TRA2A: variants seen among roughly 807,000 people sequenced by gnomAD.
TRA2A encodes transformer 2 alpha homolog.
In TRA2A, 31 loss-of-function variants were observed where a neutral mutation model predicts 45.7. That is an observed-to-expected ratio of 0.68 (90% CI 0.51 to 0.92). TRA2A has a LOEUF of 0.92. TRA2A is among the 40% of genes least tolerant of loss of function. The pLI is 0.00. For missense variants in TRA2A, 304 were observed against 367.5 expected (o/e 0.83, Z 1.41); for synonymous variants, 132 against 126.2 (o/e 1.05, Z -0.31).
At chr7:23,526,540 G>C in intron 1 of TRA2A, among the ~76,000 whole-genome samples, 1 of 152,234 alleles carries the variant, frequency 6.6e-6, no homozygotes, top group East Asian at 1.9e-4. Flanking sequence ...ACTTACTAAA[G>C]AACTTCTTTA....
chr7:23,525,670 T>C (rs527641860), intron 1 of TRA2A, among the ~76,000 whole-genome samples: 113 of 152,290 alleles, frequency 7.4e-4, no homozygotes, highest in Non-Finnish European at 1.3e-3. Flanking sequence ...AATCTTCTCA[T>C]TGCAACCTCC....
chr7:23,510,135 A>G (rs2127991959), intron 4 of TRA2A, among the ~76,000 whole-genome samples: 1 of 152,310 alleles, frequency 6.6e-6, no homozygotes, highest in African/African-American at 2.4e-5. Context: ...AGCCATACAG[A>G]AGAAACCATA....
chr7:23,524,693 A>AT (rs10707106), intron 1 of TRA2A, among the ~76,000 whole-genome samples: 87 of 143,094 alleles, frequency 6.1e-4, no homozygotes, highest in East Asian at 2.2e-3. Context: ...GATTTTAACT[A>AT]TTTTTTTTTT....
intron 1 of TRA2A, among the ~76,000 whole-genome samples, chr7:23,529,725 ATAC>A (rs1191101808): frequency 2.0e-5 from 3 of 152,164 alleles, no homozygotes; most frequent in African/African-American, 4.8e-5. Flanking sequence ...TTACACTAAA[ATAC>A]ACTTGGGTAC....
At chr7:23,526,636 T>C (rs1363301051) in intron 1 of TRA2A, among the ~76,000 whole-genome samples, 1 of 152,162 alleles carries the variant, frequency 6.6e-6, no homozygotes, top group African/African-American at 2.4e-5. Context: ...TATGGGAGAA[T>C]ACTCTTACAG....
rs5882904 is a variant in TRA2A at position 23,505,585 on chromosome 7, C to CAAAAAAAAAAAAA, written c.839-29_839-17dup. 1.9e-4 allele frequency: 47 copies of CAAAAAAAAAAAAA among 244,986 alleles called. No homozygotes were observed. Among genetic ancestry groups the CAAAAAAAAAAAAA allele is most frequent in the South Asian group, 1.0e-3 (10 of 9,814 alleles). The allele number at this position is 244,986 out of a possible 1,614,324, so 15.2% of individuals were successfully genotyped here. A position where few individuals can be genotyped will look rare whatever the true frequency, so the allele number is the denominator to read the frequency against. ...CAATAGCGTCCTAAAAGAGAAAAAG[C>CAAAAAAAAAAAAA]AAAAAAAAAAAAAAAAAAAAAAAGT... On this transcript the variant is annotated splice_polypyrimidine_tract_variant and intron_variant, in intron 7 of 7. Coordinates refer to ENST00000297071, the MANE Select transcript of TRA2A (RefSeq NM_013293.5).
chr7:23,506,324 T>G, intron 5 of TRA2A, 58 bp from the exon 6 acceptor site: 1 of 1,463,038 alleles, frequency 6.8e-7, no homozygotes, highest in Non-Finnish European at 9.1e-7. Context: ...CAGGACACTT[T>G]AATACAAATT....
chr7:23,520,241 A>T (rs1270042196), intron 2 of TRA2A, among the ~76,000 whole-genome samples: 1 of 152,128 alleles, frequency 6.6e-6, no homozygotes, highest in Non-Finnish European at 1.5e-5. Context: ...ACAAACAAGA[A>T]ACTCTTCAGG....
chr7:23,505,755 AG>A lies in TRA2A; in HGVS notation c.828del (p.Tyr277ThrfsTer78). The A allele has an allele frequency of 6.4e-7, 1 of 1,554,484 alleles. No individual in the cohort carries two copies. ...SRYRSRSRSR[S>X]YSPRRY The stretch of plus-strand genomic sequence containing the variant: ...AGTAAAGTTCACATACTTGGGCTGT[AG>A]GAACGAGATCTTGATCGTGATCTAT... On this transcript the variant is annotated frameshift_variant, in exon 7 of 8. Coordinates refer to ENST00000297071, the MANE Select transcript of TRA2A (RefSeq NM_013293.5). LOFTEE classifies it high-confidence loss of function.
intron 1 of TRA2A, among the ~76,000 whole-genome samples, chr7:23,527,675 AC>A (rs1790394114): frequency 6.6e-6 from 1 of 152,236 alleles, no homozygotes; most frequent in Admixed American, 6.5e-5. Flanking sequence ...TTTCCAAACC[AC>A]ACATCCCTAA....
chr7:23,526,123 T>C (rs1790331418), intron 1 of TRA2A, among the ~76,000 whole-genome samples: 1 of 152,184 alleles, frequency 6.6e-6, no homozygotes, highest in African/African-American at 2.4e-5. Flanking sequence ...AAAGGGTTAT[T>C]ATATACATGT....
rs892492171 is a variant in TRA2A at position 23,505,532 on chromosome 7, A to G, written c.*27T>C. 6 of 490,994 alleles carry G rather than the reference A, an allele frequency of 1.2e-5. No individual in the cohort carries two copies. The highest frequency in any genetic ancestry group is 3.4e-5 in the South Asian group (1 of 29,632). 30.4% of individuals were successfully genotyped at this position (490,994 alleles called of 1,614,324 possible). A position where few individuals can be genotyped will look rare whatever the true frequency, so the allele number is the denominator to read the frequency against. On this transcript the variant is annotated 3_prime_UTR_variant, in exon 8 of 8. Coordinates refer to ENST00000297071, the MANE Select transcript of TRA2A (RefSeq NM_013293.5). ...AAAAAAAAAAAAAAGAGGAAAAAAA[A>G]TGTCCTTAATTGCAACCATTCCGTT...
intron 2 of TRA2A, among the ~76,000 whole-genome samples, chr7:23,519,400 A>AC (rs1280701300): frequency 6.6e-6 from 1 of 151,898 alleles, no homozygotes; most frequent in African/African-American, 2.4e-5. Context: ...AAGACTAATG[A>AC]CCCACCCTTA....
At position 23,516,408 on chromosome 7, in the gene TRA2A, T is replaced by C; in HGVS notation, c.291A>G (p.Arg97=). The part of the protein sequence containing the change: ...YTPEYRRRRS[R]SHSPMSNRRR... ...TCCGGTTAGACATTGGAGAATGGCT[T>C]CGGCTCCTTCGCCGCCGGTATTCTG... Residue 97 remains arginine, a synonymous_variant, in exon 3 of 8, where the codon CGA becomes CGG. Coordinates refer to ENST00000297071, the MANE Select transcript of TRA2A (RefSeq NM_013293.5). The C allele has an allele frequency of 6.2e-7, 1 of 1,614,208 alleles. No individual in the cohort carries two copies. The highest frequency in any genetic ancestry group is 8.5e-7 in the Non-Finnish European group (1 of 1,180,024).
rs1197035967 is a variant in TRA2A at position 23,505,080 on chromosome 7, T to G, written c.*479A>C. ...GCTTTTCATCTCTAAAAAAAAACTT[T>G]CAACTACCTGACTGTTCCATTCCAC... On this transcript the variant is annotated 3_prime_UTR_variant, in exon 8 of 8. Coordinates refer to ENST00000297071, the MANE Select transcript of TRA2A (RefSeq NM_013293.5). The G allele has an allele frequency of 6.5e-6, 1 of 153,324 alleles. No individual in the cohort carries two copies. The highest frequency in any genetic ancestry group is 1.5e-5 in the Non-Finnish European group (1 of 68,904). 9.5% of individuals were successfully genotyped at this position (153,324 alleles called of 1,614,324 possible).
intron 2 of TRA2A, among the ~76,000 whole-genome samples, chr7:23,519,986 G>A (rs921921226): frequency 6.6e-6 from 1 of 152,222 alleles, no homozygotes; most frequent in Non-Finnish European, 1.5e-5. Flanking sequence ...CCAACACTTT[G>A]GGAGGCCGAG....
chr7:23,506,781 ATT>A (rs1311083417), intron 5 of TRA2A, among the ~76,000 whole-genome samples: 1 of 152,048 alleles, frequency 6.6e-6, no homozygotes, highest in Non-Finnish European at 1.5e-5. Flanking sequence ...TGTATATTTT[ATT>A]TTTATTTTTT....
chr7:23,524,245 G>A (rs1790251252), intron 1 of TRA2A, among the ~76,000 whole-genome samples: 1 of 152,036 alleles, frequency 6.6e-6, no homozygotes, highest in South Asian at 2.1e-4. Flanking sequence ...GTGTAATGGT[G>A]CGATCTAGGC....
intron 4 of TRA2A, among the ~76,000 whole-genome samples, chr7:23,509,869 T>C (rs1433343261): frequency 3.3e-5 from 5 of 151,410 alleles, no homozygotes; most frequent in Non-Finnish European, 5.9e-5. Context: ...TACCAAAAAA[T>C]ACAAAAATTA....
Sources: allele counts gnomAD v4.1 joint callset (sites outside exome capture counted in the v4.1 genomes callset), GRCh38; gene constraint gnomAD v4.1.1; transcripts MANE v1.5; gene names NCBI Gene and HGNC (gene_info 2026-07-23, HGNC 2026-07-21).